GRAMD1C: variants seen among roughly 807,000 people sequenced by gnomAD.
GRAMD1C encodes the protein GRAM domain containing 1C.
In GRAMD1C, 89 loss-of-function variants were observed where a neutral mutation model predicts 97.8. The ratio of observed to expected loss-of-function variants is 0.91; its 90% CI spans 0.77 to 1.09. The LOEUF (loss-of-function observed/expected upper bound fraction) is 1.09, where lower values mean the gene tolerates loss of function less well. Ranked by LOEUF, GRAMD1C falls within the 50% of genes least tolerant of loss-of-function variation. The pLI is 0.00. For missense variants in GRAMD1C, 740 were observed against 766.4 expected (o/e 0.97, Z 0.41); for synonymous variants, 256 against 267.0 (o/e 0.96, Z 0.40).
At chr3:113,830,860 A>G (rs2108058876) in intron 1 of GRAMD1C, among the ~76,000 whole-genome samples, 1 of 152,326 alleles carries the variant, frequency 6.6e-6, no homozygotes, top group East Asian at 1.9e-4. Context: ...GCACTTTGGG[A>G]GGCCAAGGCG....
intron 5 of GRAMD1C, among the ~76,000 whole-genome samples, chr3:113,881,935 A>T (rs1294150237): frequency 6.6e-6 from 1 of 152,184 alleles, no homozygotes; most frequent in Non-Finnish European, 1.5e-5. Flanking sequence ...AATCATTAGC[A>T]TCCAAAATAT....
chr3:113,837,520 G>C (rs949945114), upstream of GRAMD1C, among the ~76,000 whole-genome samples: 1 of 152,156 alleles, frequency 6.6e-6, no homozygotes, highest in African/African-American at 2.4e-5. Flanking sequence ...AGGGGAGACA[G>C]CTCCAAGGCG....
chr3:113,889,693 T>C (rs1356643260), intron 6 of GRAMD1C, among the ~76,000 whole-genome samples: 4 of 151,340 alleles, frequency 2.6e-5, no homozygotes, highest in Non-Finnish European at 2.9e-5. Context: ...CAGGCTAGAG[T>C]GCAATGGCGA....
At chr3:113,875,748 GTATAA>G (rs1185730707) in intron 4 of GRAMD1C, 161 bp downstream of exon 4, 7 of 465,406 alleles carry the variant, frequency 1.5e-5, no homozygotes, top group Middle Eastern at 5.5e-4. Flanking sequence ...ATATATAAGT[GTATAA>G]TATATTTTTC....
intron 1 of GRAMD1C, 137 bp from the exon 2 acceptor site, chr3:113,844,366 C>A: frequency 5.8e-6 from 3 of 513,806 alleles, no homozygotes; most frequent in South Asian, 3.5e-5. Flanking sequence ...GAAGCAAAAA[C>A]GTATTTATTA....
rs112477642 is a variant in GRAMD1C, at chr3:113,866,959, G to T, written c.175-2548G>T. Among the ~76,000 whole-genome samples the T allele has an allele frequency of 5.7e-3, 874 of 152,162 alleles. 9 individuals are homozygous for T. The highest frequency in any genetic ancestry group is 0.02 in the African/African-American group (835 of 41,506). On this transcript the variant is annotated intron_variant, in intron 2 of 17. Transcript: ENST00000358160. ...TTCTCCTGCTTCAGCCTCCCGAGTAGCTGAGATTACAGGTGCCTGCCACCC... is the reference window on the plus strand; with the variant it reads ...TTCTCCTGCTTCAGCCTCCCGAGTATCTGAGATTACAGGTGCCTGCCACCC...
chr3:113,854,212 A>C (rs1934029084), intron 2 of GRAMD1C, among the ~76,000 whole-genome samples: 1 of 152,046 alleles, frequency 6.6e-6, no homozygotes, highest in African/African-American at 2.4e-5. Flanking sequence ...TGGGCTATTG[A>C]ATATACTACC....
At chr3:113,842,019 G>A (rs1933347944) in intron 1 of GRAMD1C, among the ~76,000 whole-genome samples, 1 of 152,238 alleles carries the variant, frequency 6.6e-6, no homozygotes, top group Non-Finnish European at 1.5e-5. Context: ...TTCTTTGAAA[G>A]CCAATTTGTA....
At chr3:113,882,061 G>C (rs895893974) in intron 5 of GRAMD1C, among the ~76,000 whole-genome samples, 5 of 152,186 alleles carry the variant, frequency 3.3e-5, no homozygotes, top group Admixed American at 6.5e-5. Context: ...AACTGGAAGA[G>C]ATAACACACT....
At chr3:113,936,588 T>G in intron 14 of GRAMD1C, 146 bp downstream of exon 14, 1 of 553,668 alleles carries the variant, frequency 1.8e-6, no homozygotes, top group South Asian at 2.7e-5. Context: ...TGATTTCCTT[T>G]AAGATAACTA....
At chr3:113,892,806 A>G (rs1935789475) in intron 6 of GRAMD1C, among the ~76,000 whole-genome samples, 1 of 152,036 alleles carries the variant, frequency 6.6e-6, no homozygotes, top group Admixed American at 6.6e-5. Context: ...GTTCAAGATA[A>G]GTTTTAGGCC....
rs114009892 is a variant in GRAMD1C at position 113,878,859 on chromosome 3, C to A, written c.459+2599C>A. Among the ~76,000 whole-genome samples, 475 of 152,218 alleles carry A rather than the reference C, an allele frequency of 3.1e-3. 2 individuals are homozygous for A. Among genetic ancestry groups the A allele is most frequent in the African/African-American group, 0.011 (456 of 41,534 alleles). On this transcript the variant is annotated intron_variant, in intron 5 of 17. Transcript: ENST00000358160. ...GATGCCTCATTGCCTGAGTTGGTTT[C>A]TGACACTTAGAATCAGGTTGCTGCC...
intron 1 of GRAMD1C, among the ~76,000 whole-genome samples, chr3:113,839,828 A>C (rs1254302618): frequency 1.3e-5 from 2 of 152,184 alleles, no homozygotes; most frequent in African/African-American, 2.4e-5. Flanking sequence ...ACAGATGTAC[A>C]GAGATTGACT....
At chr3:113,861,528 A>G (rs913857185) in intron 2 of GRAMD1C, among the ~76,000 whole-genome samples, 1 of 152,154 alleles carries the variant, frequency 6.6e-6, no homozygotes, top group African/African-American at 2.4e-5. Flanking sequence ...AAAAATAAAA[A>G]ATAAAAATTT....
chr3:113,848,785 G>A (rs1328606540), intron 2 of GRAMD1C, among the ~76,000 whole-genome samples: 2 of 152,130 alleles, frequency 1.3e-5, no homozygotes, highest in Non-Finnish European at 2.9e-5. Context: ...CAGGCTAGGC[G>A]ACAGAGAGAG....
chr3:113,890,617 C>T, intron 6 of GRAMD1C: 2 of 581,658 alleles, frequency 3.4e-6, no homozygotes, highest in Non-Finnish European at 6.2e-6. Context: ...TACCCCACCC[C>T]AAATACTAAC....
At chr3:113,885,968 C>G in intron 6 of GRAMD1C, 1 of 1,595,336 alleles carries the variant, frequency 6.3e-7, no homozygotes, top group Non-Finnish European at 8.6e-7. Context: ...TGGATGCCCT[C>G]AGGTTCACCG....
intron 5 of GRAMD1C, among the ~76,000 whole-genome samples, chr3:113,882,063 T>G (rs1014238298): frequency 3.9e-5 from 6 of 152,200 alleles, no homozygotes; most frequent in African/African-American, 1.4e-4. Flanking sequence ...CTGGAAGAGA[T>G]AACACACTGA....
chr3:113,861,576 C>CA (rs1434034110), intron 2 of GRAMD1C, among the ~76,000 whole-genome samples: 1 of 152,112 alleles, frequency 6.6e-6, no homozygotes, highest in Non-Finnish European at 1.5e-5. Flanking sequence ...ATGAAAAGAT[C>CA]ACCCACAGAA....
Sources: gnomAD v4.1 joint callset for allele counts (sites outside exome capture counted in the v4.1 genomes callset) on GRCh38, gnomAD v4.1.1 for gene constraint, MANE v1.5 for transcripts, NCBI Gene and HGNC (gene_info 2026-07-23, HGNC 2026-07-21) for gene names.